The following HERC4 variants were observed in gnomAD, a reference collection of about 807,000 sequenced individuals.
HERC4 encodes the protein probable E3 ubiquitin-protein ligase HERC4.
In HERC4, 28 loss-of-function variants were observed where a neutral mutation model predicts 124.3. The ratio of observed to expected loss-of-function variants is 0.23; its 90% CI spans 0.17 to 0.31. The LOEUF (loss-of-function observed/expected upper bound fraction) is 0.31. Among genes scored for constraint, HERC4 ranks in the 10% least tolerant of loss-of-function variants. HERC4 has a pLI of 1.00. For missense variants in HERC4, 713 were observed against 1,229.3 expected (o/e 0.58, Z 6.28); for synonymous variants, 407 against 421.5 (o/e 0.97, Z 0.42).
chr10:67,962,674 G>C (rs1057339210), intron 16 of HERC4, among the ~76,000 whole-genome samples: 1 of 152,092 alleles, frequency 6.6e-6, no homozygotes, highest in Non-Finnish European at 1.5e-5. Flanking sequence ...AAATAGCAAA[G>C]AGTTTGGTAG....
intron 15 of HERC4, among the ~76,000 whole-genome samples, chr10:67,969,309 GAAGT>G (rs2035085914): frequency 6.6e-6 from 1 of 152,128 alleles, no homozygotes; most frequent in Admixed American, 6.6e-5. Flanking sequence ...CATATAAGCA[GAAGT>G]AATACACTAA....
At chr10:68,058,471 C>T (rs1488670810) in intron 3 of HERC4, among the ~76,000 whole-genome samples, 1 of 152,178 alleles carries the variant, frequency 6.6e-6, no homozygotes, top group Non-Finnish European at 1.5e-5. Context: ...CAGCATAATA[C>T]CACATTACCG....
chr10:67,924,936 T>C lies in HERC4; in HGVS notation c.2941+149A>G, dbSNP rs1404007989. 10 of 487,626 alleles carry C rather than the reference T, an allele frequency of 2.1e-5. No individual in the cohort carries two copies. The East Asian group carries it at 3.3e-4, about 16-fold the overall frequency. The allele number at this position is 487,626 out of a possible 1,614,324, so 30.2% of individuals were successfully genotyped here. A position where few individuals can be genotyped will look rare whatever the true frequency, so the allele number is the denominator to read the frequency against. Reference sequence around the variant, plus strand: ...ATGCTATTTTGAAGGCAAACTGAATTTAGCCTTTGAAATAAGAAAATACAT... The same window carrying C: ...ATGCTATTTTGAAGGCAAACTGAATCTAGCCTTTGAAATAAGAAAATACAT... On this transcript the variant is annotated intron_variant, in intron 24 of 24. Coordinates refer to ENST00000373700, the MANE Select transcript of HERC4 (RefSeq NM_015601.4).
chr10:67,978,829 CT>C (rs1450065159), intron 15 of HERC4, among the ~76,000 whole-genome samples: 2 of 152,180 alleles, frequency 1.3e-5, no homozygotes, highest in East Asian at 3.8e-4. Context: ...GAGTCTCTGC[CT>C]GGTAATTCAG....
In HERC4 at chr10:68,033,822, A is replaced by C. The variant is rs528827781; in HGVS notation, c.685+143T>G. The C allele has an allele frequency of 1.5e-5, 10 of 648,006 alleles. No homozygotes were observed. The South Asian group carries it at 2.2e-4, about 14-fold the overall frequency. The allele number at this position is 648,006 out of a possible 1,614,324, so 40.1% of individuals were successfully genotyped here. On this transcript the variant is annotated intron_variant, in intron 6 of 24. Transcript: ENST00000373700. ...TTTGTATCTTCCCACTGCATTCCCC[A>C]AATGGAATTTTTAAATAACATCTCA...
chr10:67,964,090 C>T (rs1589196113), intron 16 of HERC4, among the ~76,000 whole-genome samples: 1 of 89,558 alleles, frequency 1.1e-5, no homozygotes, highest in Non-Finnish European at 2.9e-5. Flanking sequence ...GCTACCACTC[C>T]ATTTTTTTTT....
intron 22 of HERC4, among the ~76,000 whole-genome samples, chr10:67,934,341 A>G (rs950638135): frequency 2.6e-4 from 40 of 152,170 alleles, no homozygotes; most frequent in African/African-American, 9.6e-4. Flanking sequence ...ACTTCTCCAA[A>G]AGAAATATCC....
chr10:67,954,528 T>G (rs1361465990), intron 19 of HERC4, 67 bp downstream of exon 19: 2 of 1,246,754 alleles, frequency 1.6e-6, no homozygotes, highest in Non-Finnish European at 2.2e-6. Flanking sequence ...CTGAATTAAC[T>G]TGATACATAC....
At chr10:67,979,764 G>A (rs537343166) in intron 15 of HERC4, among the ~76,000 whole-genome samples, 1 of 151,940 alleles carries the variant, frequency 6.6e-6, no homozygotes. Context: ...GTGAAACCTC[G>A]TCTCTACTAA....
chr10:68,072,430 A>G (rs549485895), intron 3 of HERC4, among the ~76,000 whole-genome samples: 3 of 152,348 alleles, frequency 2.0e-5, no homozygotes, highest in Non-Finnish European at 1.5e-5. Context: ...ATACTATGAC[A>G]GAGGGATAAA....
At chr10:67,959,023 C>A (rs2034324607) in intron 16 of HERC4, 2 of 1,063,420 alleles carry the variant, frequency 1.9e-6, no homozygotes. Context: ...TTTAACCACA[C>A]CAAAAAAACG....
chr10:67,952,136 T>C (rs2033836344), intron 19 of HERC4, among the ~76,000 whole-genome samples: 1 of 152,214 alleles, frequency 6.6e-6, no homozygotes, highest in Non-Finnish European at 1.5e-5. Flanking sequence ...AATTTATTTA[T>C]TTGTCCAAAC....
chr10:68,039,376 A>G, intron 4 of HERC4: 1 of 1,541,266 alleles, frequency 6.5e-7, no homozygotes. Flanking sequence ...GAGGTACACA[A>G]TATGTTTCTT....
At chr10:67,987,314 C>G (rs1282935506) in intron 15 of HERC4, among the ~76,000 whole-genome samples, 1 of 151,626 alleles carries the variant, frequency 6.6e-6, no homozygotes, top group African/African-American at 2.4e-5. Flanking sequence ...GTAAAAGACA[C>G]AGCTAAGAAA....
intron 1 of HERC4, chr10:68,074,793 A>C (rs2041732178): frequency 6.6e-6 from 1 of 152,604 alleles, no homozygotes; most frequent in Admixed American, 6.5e-5. Flanking sequence ...CCCCGGGGCC[A>C]GGGAGCCACA....
chr10:67,977,018 G>A (rs1273330837), intron 15 of HERC4, among the ~76,000 whole-genome samples: 13 of 152,176 alleles, frequency 8.5e-5, no homozygotes, highest in Admixed American at 2.0e-4. Flanking sequence ...GTGCAGAACT[G>A]GGCCCAGAGC....
intron 15 of HERC4, among the ~76,000 whole-genome samples, chr10:67,980,406 T>C (rs1476932562): frequency 6.6e-6 from 1 of 152,162 alleles, no homozygotes; most frequent in Non-Finnish European, 1.5e-5. Context: ...GTGCTGGGAT[T>C]ACAGCCATGA....
At chr10:67,995,864 T>C (rs1319471960) in intron 9 of HERC4, among the ~76,000 whole-genome samples, 1 of 152,174 alleles carries the variant, frequency 6.6e-6, no homozygotes, top group African/African-American at 2.4e-5. Context: ...AAACTGACCT[T>C]TTTGTCCCCA....
chr10:68,040,499 T>C, intron 4 of HERC4: 5 of 708,492 alleles, frequency 7.1e-6, no homozygotes, highest in Non-Finnish European at 8.7e-6. Context: ...TTAAATAAAT[T>C]TGTTAGAACT....
Sources: allele counts gnomAD v4.1 joint callset (sites outside exome capture counted in the v4.1 genomes callset), GRCh38; gene constraint gnomAD v4.1.1; transcripts MANE v1.5; gene names NCBI Gene and HGNC (gene_info 2026-07-23, HGNC 2026-07-21).